The following KIDINS220 variants were observed in gnomAD, a reference collection of about 807,000 sequenced individuals.
KIDINS220 encodes kinase D-interacting substrate of 220 kDa.
KIDINS220 carries 63 observed loss-of-function variants against 157.6 expected under a neutral mutation model. The observed-to-expected ratio is 0.40, with a 90% CI of 0.33 to 0.49. The LOEUF is 0.49. Ranked by LOEUF, KIDINS220 falls within the 20% of genes least tolerant of loss-of-function variation. The probability of loss-of-function intolerance (pLI) is 0.66; values close to 1 mark genes in which losing one functional copy is unlikely to be tolerated. For missense variants in KIDINS220, 1,772 were observed against 2,171.2 expected (o/e 0.82, Z 3.65); for synonymous variants, 732 against 783.6 (o/e 0.93, Z 1.10).
At chr2:8,752,022 T>C (rs1667432210) in intron 22 of KIDINS220, among the ~76,000 whole-genome samples, 3 of 152,078 alleles carry the variant, frequency 2.0e-5, no homozygotes, top group Admixed American at 2.0e-4. Context: ...CTATTTTTAA[T>C]TTTTAGGGTT....
intron 1 of KIDINS220, among the ~76,000 whole-genome samples, chr2:8,832,915 C>T (rs1679859706): frequency 6.6e-6 from 1 of 151,492 alleles, no homozygotes; most frequent in African/African-American, 2.4e-5. Flanking sequence ...TTAACTAATA[C>T]ATAATAATTG....
intron 14 of KIDINS220, among the ~76,000 whole-genome samples, chr2:8,789,223 T>C (rs1672836198): frequency 6.6e-6 from 1 of 151,968 alleles, no homozygotes; most frequent in Non-Finnish European, 1.5e-5. Context: ...AGTACAGACA[T>C]GGTCAAAATG....
rs372275689 is a variant in KIDINS220, at chr2:8,806,343, A to T, written c.531T>A (p.Ala177=). The change falls in exon 7 of 30, where the codon GCT becomes GCA. Residue 177 remains alanine (A), a synonymous_variant. Coordinates refer to ENST00000256707, the MANE Select transcript of KIDINS220 (RefSeq NM_020738.4). ...CACATTCCAAATGACCCTTTCGTGC[A>T]GCCCAAACTAAAGGGGTGGTTCCAT... The part of the protein sequence containing the change: ...DKYGTTPLVW[A]ARKGHLECVK... The T allele has an allele frequency of 1.4e-5, 22 of 1,609,366 alleles. No individual in the cohort carries two copies. Among genetic ancestry groups the T allele is most frequent in the Non-Finnish European group, 1.9e-5 (22 of 1,177,386 alleles).
At chr2:8,728,192 A>G (rs1302586564), downstream of KIDINS220, among the ~76,000 whole-genome samples, 1 of 152,186 alleles carries the variant, frequency 6.6e-6, no homozygotes, top group Non-Finnish European at 1.5e-5. Context: ...AAAATAAAAA[A>G]TTAGCCAGGT....
Position 8,733,431 on chromosome 2 carries a change from A to T in KIDINS220, c.4053+13T>A. 1.3e-6 allele frequency: 2 copies of T among 1,594,848 alleles called. No homozygotes were observed. Among genetic ancestry groups the T allele is most frequent in the Middle Eastern group, 1.7e-4 (1 of 6,020 alleles). On this transcript the variant is annotated intron_variant, in intron 29 of 29. Coordinates refer to ENST00000256707, the MANE Select transcript of KIDINS220 (RefSeq NM_020738.4). ...ATTCTTCAATAATATGAAAAATGCC[A>T]TTCAATAAATACCTGCCAACTTAGA... is the stretch of plus-strand genomic sequence containing the variant.
At chr2:8,739,743 T>C (rs558913743) in intron 26 of KIDINS220, among the ~76,000 whole-genome samples, 1 of 152,362 alleles carries the variant, frequency 6.6e-6, no homozygotes, top group East Asian at 1.9e-4. Context: ...AGCGTATTGA[T>C]TTTAACATCA....
At chr2:8,754,422 G>A (rs1014686928) in intron 22 of KIDINS220, among the ~76,000 whole-genome samples, 5 of 152,172 alleles carry the variant, frequency 3.3e-5, no homozygotes, top group African/African-American at 9.7e-5. Flanking sequence ...CCAAAGGTTA[G>A]CATTTAAAGA....
In KIDINS220 at chr2:8,801,823, C is replaced by T. The variant is rs200144753; in HGVS notation, c.801+1107G>A. Reference sequence around the variant, plus strand: ...TGGGAGGCTAAGGCAAGGAGGATCGCTTGAGTCTAGGAAGTTGAGGCCACA... The same window carrying T: ...TGGGAGGCTAAGGCAAGGAGGATCGTTTGAGTCTAGGAAGTTGAGGCCACA... On this transcript the variant is annotated intron_variant, in intron 8 of 29. Transcript: ENST00000256707. Among the ~76,000 whole-genome samples the T allele has an allele frequency of 1.1e-4, 16 of 152,264 alleles. No homozygotes were observed. The East Asian group carries it at 2.3e-3, about 22-fold the overall frequency.
chr2:8,767,728 G>T (rs1361803568), intron 22 of KIDINS220, among the ~76,000 whole-genome samples: 1 of 152,094 alleles, frequency 6.6e-6, no homozygotes, highest in Non-Finnish European at 1.5e-5. Context: ...GAAAGCTTTG[G>T]GTGAATATCA....
intron 13 of KIDINS220, among the ~76,000 whole-genome samples, chr2:8,790,293 G>A (rs1416676105): frequency 6.6e-6 from 1 of 152,146 alleles, no homozygotes; most frequent in African/African-American, 2.4e-5. Context: ...GCTTCACGTG[G>A]AGGATGTACA....
rs1397944207 is a variant in KIDINS220 at position 8,813,322 on chromosome 2, G to A, written c.320C>T (p.Ala107Val). ...LEHRDMGGWT[A>V]LMWACYKGRT... ...GCCTTTGTAACATGCCCACATAAGAGCTGTCCATCCTCCCTAAACAAAAAA... is the reference window on the plus strand; with the variant it reads ...GCCTTTGTAACATGCCCACATAAGAACTGTCCATCCTCCCTAAACAAAAAA... Residue 107 changes from alanine (A) to valine (V), a missense_variant, in exon 5 of 30, where the codon GCT (alanine) becomes GTT (valine). Ala to Val is a moderately conservative substitution (Grantham distance 64). This residue lies in a region of KIDINS220 where 254 missense variants were observed against 268.6 expected (regional missense o/e 0.95). Transcript: ENST00000256707. 5 of 1,612,028 alleles carry A rather than the reference G, an allele frequency of 3.1e-6. No individual in the cohort carries two copies. Among genetic ancestry groups the A allele is most frequent in the Non-Finnish European group, 3.4e-6 (4 of 1,179,182 alleles).
intron 22 of KIDINS220, among the ~76,000 whole-genome samples, chr2:8,759,664 G>A (rs1668494384): frequency 6.6e-6 from 1 of 151,242 alleles, no homozygotes; most frequent in Admixed American, 6.6e-5. Flanking sequence ...TACAATACTG[G>A]TAAGGCACTG....
At position 8,802,962 on chromosome 2, in the gene KIDINS220, C is replaced by G. The variant is rs367738361; in HGVS notation, c.769G>C (p.Asp257His). 1 of 1,613,946 alleles carries G rather than the reference C, an allele frequency of 6.2e-7. No homozygotes were observed. Among genetic ancestry groups the G allele is most frequent in the Non-Finnish European group, 8.5e-7 (1 of 1,179,982 alleles). The change falls in exon 8 of 30, where the codon GAC becomes CAC. Residue 257 changes from aspartate to histidine, a missense_variant. By Grantham distance (81) the Asp-to-His change is moderately conservative. Transcript: ENST00000256707. ...GHTEIVQDLL[D>H]AGTYVNIPDR... ...GGTATGTTCACATATGTTCCAGCGT[C>G]GAGCAGATCCTGCACAATCTCCGTA...
chr2:8,756,509 C>G (rs145797810), intron 22 of KIDINS220, among the ~76,000 whole-genome samples: 1 of 152,294 alleles, frequency 6.6e-6, no homozygotes, highest in Non-Finnish European at 1.5e-5. Flanking sequence ...TTAGTTAACT[C>G]AGGCTGCTAT....
intron 23 of KIDINS220, among the ~76,000 whole-genome samples, chr2:8,750,801 G>T (rs540356748): frequency 1.1e-4 from 17 of 152,262 alleles, no homozygotes; most frequent in African/African-American, 4.1e-4. Flanking sequence ...TTTGACATCA[G>T]CCTTGTAACA....
At chr2:8,782,759 A>G (rs1315806717) in intron 17 of KIDINS220, among the ~76,000 whole-genome samples, 1 of 152,270 alleles carries the variant, frequency 6.6e-6, no homozygotes, top group African/African-American at 2.4e-5. Context: ...TCATGAGCAT[A>G]GATGCAAAAA....
intron 14 of KIDINS220, among the ~76,000 whole-genome samples, 196 bp from the exon 15 acceptor site, chr2:8,789,008 C>T (rs1672811781): frequency 6.6e-6 from 1 of 152,092 alleles, no homozygotes; most frequent in South Asian, 2.1e-4. Flanking sequence ...GAAAAGTAAA[C>T]TGACTAAAAC....
At chr2:8,801,645 C>T (rs917265383) in intron 8 of KIDINS220, among the ~76,000 whole-genome samples, 2 of 152,328 alleles carry the variant, frequency 1.3e-5, no homozygotes, top group Middle Eastern at 3.4e-3. Flanking sequence ...TGGCTTATGC[C>T]TGTAATCTCA....
chr2:8,792,419 TA>T (rs1294319995), intron 12 of KIDINS220, among the ~76,000 whole-genome samples: 1 of 151,988 alleles, frequency 6.6e-6, no homozygotes, highest in African/African-American at 2.4e-5. Flanking sequence ...TATTAAAAAC[TA>T]AAAAGTGGGC....
Sources: allele counts gnomAD v4.1 joint callset (sites outside exome capture counted in the v4.1 genomes callset), GRCh38; gene constraint gnomAD v4.1.1; regional missense constraint gnomAD v4.1.1; transcripts MANE v1.5; gene names NCBI Gene and HGNC (gene_info 2026-07-23, HGNC 2026-07-21).